The following CDKN1B variants were observed in gnomAD, a reference collection of about 807,000 sequenced individuals.
CDKN1B encodes cyclin-dependent kinase inhibitor 1B.
CDKN1B carries 7 observed loss-of-function variants against 17.1 expected under a neutral mutation model. The ratio of observed to expected loss-of-function variants is 0.41; its 90% CI spans 0.23 to 0.77. The LOEUF (loss-of-function observed/expected upper bound fraction) is 0.77. Among genes scored for constraint, CDKN1B ranks in the 30% least tolerant of loss-of-function variants. The pLI, the probability that CDKN1B is intolerant of heterozygous loss-of-function variation, is 0.33. For synonymous variants in CDKN1B, 149 were observed against 104.3 expected, an observed-to-expected ratio of 1.43 and a Z score of -2.61; for missense variants, 337 against 262.0, an observed-to-expected ratio of 1.29 and a Z score of -1.98.
chr12:12,718,613 TA>T (rs1946506606), intron 1 of CDKN1B, among the ~76,000 whole-genome samples: 1 of 152,162 alleles, frequency 6.6e-6, no homozygotes, highest in Non-Finnish European at 1.5e-5. Context: ...GCCTCCTGGC[TA>T]GGGAAAGAGC....
At position 12,717,667 on chromosome 12, in the gene CDKN1B, C is replaced by T; in HGVS notation, c.-173C>T. 1 of 1,502,378 alleles carries T rather than the reference C, an allele frequency of 6.7e-7. No homozygotes were observed. Among genetic ancestry groups the T allele is most frequent in the South Asian group, 1.3e-5 (1 of 79,550 alleles). The allele number at this position is 1,502,378 out of a possible 1,614,324, so 93.1% of individuals were successfully genotyped here. ...GGCCGGGCCGGGGCTTCCCCGCAGC[C>T]CCTGCGCGCTCCTAGAGCTCGGGCC... is the stretch of plus-strand genomic sequence containing the variant. On this transcript the variant is annotated 5_prime_UTR_variant, in exon 1 of 3. Transcript: ENST00000228872.
At position 12,721,174 on chromosome 12, in the gene CDKN1B, C is replaced by G. The variant is rs769936824; in HGVS notation, c.*147C>G. The stretch of plus-strand genomic sequence containing the variant: ...GTATAAGCACTGAAAAACAACAACA[C>G]AATAACACTAAAATTTTAGGCACTC... On this transcript the variant is annotated 3_prime_UTR_variant, in exon 3 of 3. Transcript: ENST00000228872. The G allele has an allele frequency of 7.8e-6, 6 of 773,136 alleles. No homozygotes were observed. The highest frequency in any genetic ancestry group is 1.4e-5 in the South Asian group (1 of 72,666). 47.9% of individuals were successfully genotyped at this position (773,136 alleles called of 1,614,324 possible).
Position 12,718,319 on chromosome 12 carries a change from T to A in CDKN1B, c.475+5T>A. ...GGAAGCGACCTGCAACCGACGGTAA[T>A]GACCCTTTCCCAACCATAGAATGTG... is the stretch of plus-strand genomic sequence containing the variant. On this transcript the variant is annotated splice_donor_5th_base_variant and intron_variant, in intron 1 of 2. Transcript: ENST00000228872. 2 of 1,599,934 alleles carry A rather than the reference T, an allele frequency of 1.3e-6. No homozygotes were observed. Among genetic ancestry groups the A allele is most frequent in the Non-Finnish European group, 1.7e-6 (2 of 1,179,316 alleles).
chr12:12,720,367 G>A (rs3093736), intron 2 of CDKN1B, among the ~76,000 whole-genome samples: 3,466 of 152,236 alleles, frequency 0.023, 59 homozygotes, highest in Non-Finnish European at 0.032. Context: ...AAGTATTCAT[G>A]AGTATTTTCT....
At chr12:12,718,448 C>G (rs565285439) in intron 1 of CDKN1B, 134 bp downstream of exon 1, 1 of 804,506 alleles carries the variant, frequency 1.2e-6, no homozygotes. Context: ...CTTAGGTGTT[C>G]AGTGCTACCT....
chr12:12,717,388 C>T lies in CDKN1B; in HGVS notation c.-452C>T. Reference sequence around the variant, plus strand: ...ATTTTCTTCTTCGTCAGCCTCCCTTCCACCGCCATATTGGGCCACTAAAAA... The same window carrying T: ...ATTTTCTTCTTCGTCAGCCTCCCTTTCACCGCCATATTGGGCCACTAAAAA... On this transcript the variant is annotated 5_prime_UTR_variant, in exon 1 of 3. Transcript: ENST00000228872. 2.6e-6 allele frequency: 3 copies of T among 1,170,022 alleles called. No homozygotes were observed. Among genetic ancestry groups the T allele is most frequent in the Non-Finnish European group, 3.2e-6 (3 of 941,004 alleles). 72.5% of individuals were successfully genotyped at this position (1,170,022 alleles called of 1,614,324 possible).
At chr12:12,719,211 C>G (rs1205722405) in intron 2 of CDKN1B, 1 of 467,272 alleles carries the variant, frequency 2.1e-6, no homozygotes, top group Admixed American at 3.4e-5. Context: ...GTAGGAAGGT[C>G]GTTTCCCTGT....
Position 12,721,171 on chromosome 12 carries a change from A to C in CDKN1B, c.*144A>C, listed in dbSNP as rs368340132. 9 of 773,638 alleles carry C rather than the reference A, an allele frequency of 1.2e-5. No individual in the cohort carries two copies. Among genetic ancestry groups the C allele is most frequent in the Non-Finnish European group, 1.9e-5 (8 of 415,742 alleles). 47.9% of individuals were successfully genotyped at this position (773,638 alleles called of 1,614,324 possible). On this transcript the variant is annotated 3_prime_UTR_variant, in exon 3 of 3. Transcript: ENST00000228872. ...CCTGTATAAGCACTGAAAAACAACA[A>C]CACAATAACACTAAAATTTTAGGCA...
rs137985549 is a variant in CDKN1B at position 12,718,236 on chromosome 12, C to T, written c.397C>T (p.Pro133Ser). The change falls in exon 1 of 3, where the codon CCA (proline) becomes TCA (serine). Residue 133 changes from proline (P) to serine (S), a missense_variant. Physicochemically the swap from Pro to Ser is moderately conservative, Grantham distance 74. Coordinates refer to ENST00000228872, the MANE Select transcript of CDKN1B (RefSeq NM_004064.5). The part of the protein sequence containing the change: ...ANSEDTHLVD[P>S]KTDPSDSQTG... ...CTCTGAGGACACGCATTTGGTGGAC[C>T]CAAAGACTGATCCGTCGGACAGCCA... 2.5e-6 allele frequency: 4 copies of T among 1,612,082 alleles called. No individual in the cohort carries two copies. The highest frequency in any genetic ancestry group is 2.5e-6 in the Non-Finnish European group (3 of 1,180,024).
chr12:12,717,805 TG>T lies in CDKN1B; in HGVS notation c.-34del. ...TTGTTCGGTTTTGTTTTTTTGAGAG[TG>T]CGAGAGAGGCGGTCGTGCAGACCCG... On this transcript the variant is annotated 5_prime_UTR_variant, in exon 1 of 3. Coordinates refer to ENST00000228872, the MANE Select transcript of CDKN1B (RefSeq NM_004064.5). The T allele has an allele frequency of 6.2e-7, 1 of 1,609,866 alleles. No homozygotes were observed. The highest frequency in any genetic ancestry group is 8.5e-7 in the Non-Finnish European group (1 of 1,179,852).
At chr12:12,720,178 A>G (rs1328398945) in intron 2 of CDKN1B, among the ~76,000 whole-genome samples, 3 of 148,496 alleles carry the variant, frequency 2.0e-5, no homozygotes, top group African/African-American at 7.3e-5. Context: ...TCCTGAAGCA[A>G]CCTTAACATG....
rs966675808 is a variant in CDKN1B, at chr12:12,717,448, C to T, written c.-392C>T. ...CGTCTTTTCGGGGTGTTTTTCTCCCCCTCCCCTGTCCCCGCTTGCTCACGG... is the reference window on the plus strand; with the variant it reads ...CGTCTTTTCGGGGTGTTTTTCTCCCTCTCCCCTGTCCCCGCTTGCTCACGG... On this transcript the variant is annotated 5_prime_UTR_variant, in exon 1 of 3. Coordinates refer to ENST00000228872, the MANE Select transcript of CDKN1B (RefSeq NM_004064.5). 2 of 1,285,310 alleles carry T rather than the reference C, an allele frequency of 1.6e-6. No individual in the cohort carries two copies. Among genetic ancestry groups the T allele is most frequent in the Non-Finnish European group, 2.0e-6 (2 of 1,011,292 alleles). 79.6% of individuals were successfully genotyped at this position (1,285,310 alleles called of 1,614,324 possible).
Position 12,721,123 on chromosome 12 carries a change from C to G in CDKN1B, c.*96C>G, listed in dbSNP as rs556751200. The G allele has an allele frequency of 2.9e-4, 228 of 773,328 alleles. No individual in the cohort carries two copies. Among genetic ancestry groups the G allele is most frequent in the Non-Finnish European group, 5.1e-4 (212 of 414,974 alleles). The allele number at this position is 773,328 out of a possible 1,614,324, so 47.9% of individuals were successfully genotyped here. A position where few individuals can be genotyped will look rare whatever the true frequency, so the allele number is the denominator to read the frequency against. On this transcript the variant is annotated 3_prime_UTR_variant, in exon 3 of 3. Transcript: ENST00000228872. ...ACATGAAAATTTTAAAAATACATAT[C>G]GCTGACTTCATGGAATGGACATCCT...
intron 2 of CDKN1B, 70 bp downstream of exon 2, chr12:12,719,024 TG>T: frequency 6.3e-7 from 1 of 1,586,386 alleles, no homozygotes; most frequent in Non-Finnish European, 8.6e-7. Context: ...CTGATCTTAC[TG>T]GTTGCTGGCA....
Position 12,721,000 on chromosome 12 carries a change from C to G in CDKN1B, c.*9-36C>G, listed in dbSNP as rs921836259. 2.7e-5 allele frequency: 17 copies of G among 628,054 alleles called. 2 individuals carry two copies. The Admixed American group carries it at 3.3e-4, about 12-fold the overall frequency. 38.9% of individuals were successfully genotyped at this position (628,054 alleles called of 1,614,324 possible). A position where few individuals can be genotyped will look rare whatever the true frequency, so the allele number is the denominator to read the frequency against. On this transcript the variant is annotated intron_variant, in intron 2 of 2. Coordinates refer to ENST00000228872, the MANE Select transcript of CDKN1B (RefSeq NM_004064.5). Reference sequence around the variant, plus strand: ...CTACTGGTAACGTTAATCTAGTGCTCTTCCTTTAATTCTTCCGTTTTGTTT... The same window carrying G: ...CTACTGGTAACGTTAATCTAGTGCTGTTCCTTTAATTCTTCCGTTTTGTTT...
At chr12:12,719,046 T>C (rs893617706) in intron 2 of CDKN1B, 92 bp downstream of exon 2, 1 of 1,531,588 alleles carries the variant, frequency 6.5e-7, no homozygotes, top group Non-Finnish European at 9.0e-7. Flanking sequence ...AATTAAAAGC[T>C]TATGGGGTTT....
chr12:12,717,383 CCCTT>C lies in CDKN1B; in HGVS notation c.-454_-451del, dbSNP rs786201010. 2 of 1,171,352 alleles carry C rather than the reference CCCTT, an allele frequency of 1.7e-6. No individual in the cohort carries two copies. The highest frequency in any genetic ancestry group is 2.1e-6 in the Non-Finnish European group (2 of 942,048). 72.6% of individuals were successfully genotyped at this position (1,171,352 alleles called of 1,614,324 possible). A position where few individuals can be genotyped will look rare whatever the true frequency, so the allele number is the denominator to read the frequency against. ...CAATCATTTTCTTCTTCGTCAGCCT[CCCTT>C]CCACCGCCATATTGGGCCACTAAAA... is the stretch of plus-strand genomic sequence containing the variant. On this transcript the variant is annotated 5_prime_UTR_variant, in exon 1 of 3. Coordinates refer to ENST00000228872, the MANE Select transcript of CDKN1B (RefSeq NM_004064.5).
chr12:12,720,190 G>A (rs1021186885), intron 2 of CDKN1B, among the ~76,000 whole-genome samples: 5 of 151,906 alleles, frequency 3.3e-5, no homozygotes, highest in African/African-American at 1.2e-4. Context: ...CTTAACATGC[G>A]CAGCCCTTGT....
Position 12,717,587 on chromosome 12 carries a change from C to T in CDKN1B, c.-253C>T, listed in dbSNP as rs1226751619. On this transcript the variant is annotated 5_prime_UTR_variant, in exon 1 of 3. Coordinates refer to ENST00000228872, the MANE Select transcript of CDKN1B (RefSeq NM_004064.5). ...TGCCACCCTCTCCGCTTGCCTGGTC[C>T]CCTCTCCTCTCCGCCCTCCCGCTCG... 1 of 1,429,342 alleles carries T rather than the reference C, an allele frequency of 7.0e-7. No homozygotes were observed. Among genetic ancestry groups the T allele is most frequent in the Non-Finnish European group, 9.1e-7 (1 of 1,097,324 alleles). 88.5% of individuals were successfully genotyped at this position (1,429,342 alleles called of 1,614,324 possible). A position where few individuals can be genotyped will look rare whatever the true frequency, so the allele number is the denominator to read the frequency against.
Sources: gnomAD v4.1 joint callset for allele counts (sites outside exome capture counted in the v4.1 genomes callset) on GRCh38, gnomAD v4.1.1 for gene constraint, MANE v1.5 for transcripts, NCBI Gene and HGNC (gene_info 2026-07-23, HGNC 2026-07-21) for gene names.